The following SEC14L4 variants were observed in gnomAD, a reference collection of about 807,000 sequenced individuals.
SEC14L4 encodes the protein SEC14 like lipid binding 4.
A neutral mutation model predicts 55.1 loss-of-function variants in SEC14L4; 42 were observed. The ratio of observed to expected loss-of-function variants is 0.76; its 90% confidence interval spans 0.60 to 0.99. The LOEUF is 0.99. Ranked by LOEUF, SEC14L4 falls within the 50% of genes least tolerant of loss-of-function variation. The probability of loss-of-function intolerance (pLI) is 0.00; values close to 1 mark genes in which losing one functional copy is unlikely to be tolerated. For missense variants in SEC14L4, 445 were observed against 512.1 expected (o/e 0.87, Z 1.27); for synonymous variants, 206 against 206.8 (o/e 1.00, Z 0.03).
intron 2 of SEC14L4, among the ~76,000 whole-genome samples, chr22:30,503,317 T>C (rs982180619): frequency 1.5e-4 from 23 of 151,324 alleles, no homozygotes; most frequent in African/African-American, 5.6e-4. Context: ...CAGGCTGGAG[T>C]GCAATGGCGG....
In SEC14L4 at chr22:30,492,535, G is replaced by A; in HGVS notation, c.603C>T (p.Ala201=). The A allele has an allele frequency of 6.2e-7, 1 of 1,613,898 alleles. No individual in the cohort carries two copies. The highest frequency in any genetic ancestry group is 1.1e-5 in the South Asian group (1 of 91,064). The change falls in exon 8 of 12, where the codon GCC becomes GCT. Residue 201 remains alanine (A), a synonymous_variant. Transcript: ENST00000255858. ...VIRAPKLFPV[A]FNLVKSFMSE... ...TCATGAACGACTTGACCAAGTTGAA[G>A]GCCACGGGGAACAGTTTTGGGGCTG... is the stretch of plus-strand genomic sequence containing the variant.
chr22:30,499,602 G>C (rs1936257730), intron 2 of SEC14L4, among the ~76,000 whole-genome samples: 1 of 151,178 alleles, frequency 6.6e-6, no homozygotes, highest in Admixed American at 6.6e-5. Context: ...AGCTGAGTGT[G>C]GTGGCTCATG....
intron 2 of SEC14L4, among the ~76,000 whole-genome samples, chr22:30,501,832 TACACACACACGC>T (rs532669229): frequency 1.3e-3 from 158 of 118,494 alleles, no homozygotes; most frequent in African/African-American, 5.0e-3. Flanking sequence ...TATATATATA[TACACACACACGC>T]ACATATATAT....
intron 2 of SEC14L4, among the ~76,000 whole-genome samples, chr22:30,496,822 T>C (rs1936167287): frequency 6.6e-6 from 1 of 152,244 alleles, no homozygotes; most frequent in Non-Finnish European, 1.5e-5. Flanking sequence ...CAATAAACAG[T>C]AGCTATCATG....
chr22:30,497,168 G>A lies in SEC14L4; in HGVS notation c.131-1197C>T, dbSNP rs147107253. Among the ~76,000 whole-genome samples, 946 of 152,128 alleles carry A rather than the reference G, an allele frequency of 6.2e-3. 13 individuals carry two copies. The highest frequency in any genetic ancestry group is 0.021 in the African/African-American group (889 of 41,504). ...AGCCTGGGCAATATGGTGAAACCCC[G>A]TCTCTACTAAAAATACAAAAATCAG... On this transcript the variant is annotated intron_variant, in intron 2 of 11. Transcript: ENST00000255858.
At chr22:30,504,577 C>G (rs1478462877) in intron 1 of SEC14L4, among the ~76,000 whole-genome samples, 1 of 152,116 alleles carries the variant, frequency 6.6e-6, no homozygotes, top group East Asian at 1.9e-4. Context: ...GGCTTGGCTC[C>G]GAGCAGGTGT....
chr22:30,492,425 C>T (rs5997665), intron 8 of SEC14L4, 49 bp downstream of exon 8: 129,475 of 1,507,686 alleles, frequency 0.086, 5,995 homozygotes, highest in South Asian at 0.097. Flanking sequence ...TTAGCATTGA[C>T]CTCTGCTTCC....
intron 8 of SEC14L4, 158 bp downstream of exon 8, chr22:30,492,316 G>A: frequency 8.6e-7 from 1 of 1,167,958 alleles, no homozygotes; most frequent in Non-Finnish European, 1.2e-6. Flanking sequence ...CCAGCCCACG[G>A]TCTAGGACCC....
intron 6 of SEC14L4, 150 bp from the exon 7 acceptor site, chr22:30,494,360 C>T (rs569715245): frequency 4.8e-5 from 32 of 665,906 alleles, no homozygotes; most frequent in African/African-American, 2.9e-4. Context: ...CTCTGTTATT[C>T]TTTTTTTGTT....
chr22:30,501,300 C>A (rs891983169), intron 2 of SEC14L4, among the ~76,000 whole-genome samples: 1 of 152,156 alleles, frequency 6.6e-6, no homozygotes, highest in Non-Finnish European at 1.5e-5. Context: ...CAGCCCCCTT[C>A]CCAATCTTGG....
At chr22:30,492,702 C>T (rs909585503) in intron 7 of SEC14L4, 145 bp from the exon 8 acceptor site, 15 of 661,702 alleles carry the variant, frequency 2.3e-5, no homozygotes, top group African/African-American at 1.4e-4. Context: ...AAGTTACCCA[C>T]CCTCTCCAAG....
In SEC14L4 at chr22:30,490,066, G is replaced by A; in HGVS notation, c.*41C>T. The stretch of plus-strand genomic sequence containing the variant: ...GAAGGCAGGGGTCAGAGGGGTGGGT[G>A]TGAAGGGGTTGGAGTGCACAGGTAG... On this transcript the variant is annotated 3_prime_UTR_variant, in exon 12 of 12. Coordinates refer to ENST00000255858, the MANE Select transcript of SEC14L4 (RefSeq NM_174977.4). The A allele has an allele frequency of 1.9e-6, 3 of 1,607,104 alleles. No individual in the cohort carries two copies. Among genetic ancestry groups the A allele is most frequent in the Non-Finnish European group, 2.6e-6 (3 of 1,175,838 alleles).
intron 7 of SEC14L4, among the ~76,000 whole-genome samples, chr22:30,493,103 A>G (rs1936021339): frequency 6.6e-6 from 1 of 150,412 alleles, no homozygotes; most frequent in African/African-American, 2.4e-5. Context: ...AAAAAAAAAG[A>G]AAAGAAAAAA....
At chr22:30,492,582 G>C in intron 7 of SEC14L4, 25 bp from the exon 8 acceptor site, 1 of 1,588,012 alleles carries the variant, frequency 6.3e-7, no homozygotes, top group Non-Finnish European at 8.7e-7. Context: ...AATCTCTTGA[G>C]AAGCTGGACC....
chr22:30,494,108 T>C, intron 7 of SEC14L4, 42 bp downstream of exon 7: 1 of 1,472,340 alleles, frequency 6.8e-7, no homozygotes. Context: ...CCCCAATTCC[T>C]GCTTCTCCCT....
intron 2 of SEC14L4, among the ~76,000 whole-genome samples, chr22:30,499,957 C>T (rs760071331): frequency 7.3e-5 from 11 of 151,626 alleles, no homozygotes; most frequent in Non-Finnish European, 1.6e-4. Context: ...GCAACGTCTG[C>T]CTCCTGGGTT....
chr22:30,490,872 T>C (rs1935929632), intron 11 of SEC14L4, among the ~76,000 whole-genome samples: 1 of 152,132 alleles, frequency 6.6e-6, no homozygotes, highest in Admixed American at 6.5e-5. Context: ...CCAGGAGGAA[T>C]GGGCTGGGCT....
In SEC14L4 at chr22:30,492,517, C is replaced by T. The variant is rs80195879; in HGVS notation, c.621G>A (p.Ser207=). The stretch of plus-strand genomic sequence containing the variant: ...TCCTGCGTGTCTCCTCACTCATGAA[C>T]GACTTGACCAAGTTGAAGGCCACGG... The part of the protein sequence containing the change: ...LFPVAFNLVK[S]FMSEETRRKI... Residue 207 remains serine, a synonymous_variant, in exon 8 of 12, where the codon TCG becomes TCA. Coordinates refer to ENST00000255858, the MANE Select transcript of SEC14L4 (RefSeq NM_174977.4). 1,533 of 1,613,984 alleles carry T rather than the reference C, an allele frequency of 9.5e-4. 23 individuals carry two copies. The East Asian group carries it at 0.018, about 19-fold the overall frequency.
At chr22:30,494,386 G>C (rs911237910) in intron 6 of SEC14L4, among the ~76,000 whole-genome samples, 176 bp from the exon 7 acceptor site, 8 of 151,974 alleles carry the variant, frequency 5.3e-5, no homozygotes, top group African/African-American at 9.7e-5. Context: ...ATTTGTTCTC[G>C]AGACAGGGTC....
Sources: allele counts gnomAD v4.1 joint callset (sites outside exome capture counted in the v4.1 genomes callset), GRCh38; gene constraint gnomAD v4.1.1; transcripts MANE v1.5; gene names NCBI Gene and HGNC (gene_info 2026-07-23, HGNC 2026-07-21).